Variants in ELP1 observed in about 807,000 individuals in gnomAD.
The protein encoded by ELP1 is elongator complex protein 1.
ELP1 carries 131 observed loss-of-function variants against 183.2 expected under a neutral mutation model. The ratio of observed to expected loss-of-function variants is 0.72; its 90% CI spans 0.62 to 0.83. The LOEUF is 0.83. Ranked by LOEUF, ELP1 falls within the 40% of genes least tolerant of loss-of-function variation. ELP1 has a pLI of 0.00. For missense variants in ELP1, 1,550 were observed against 1,594.9 expected (o/e 0.97, Z 0.48); for synonymous variants, 555 against 569.0 (o/e 0.98, Z 0.35).
At chr9:108,898,398 G>T in intron 22 of ELP1, 104 bp downstream of exon 22, 1 of 766,766 alleles carries the variant, frequency 1.3e-6, no homozygotes, top group Non-Finnish European at 2.1e-6. Flanking sequence ...TTTTAAAAAT[G>T]AACAGTAAGG....
intron 36 of ELP1, among the ~76,000 whole-genome samples, chr9:108,872,349 T>C (rs1461106119): frequency 6.6e-6 from 1 of 152,218 alleles, no homozygotes; most frequent in Non-Finnish European, 1.5e-5. Flanking sequence ...GCAGTTATGA[T>C]TTAATACTAC....
At chr9:108,915,525 T>C (rs1190175305) in intron 10 of ELP1, among the ~76,000 whole-genome samples, 3 of 152,134 alleles carry the variant, frequency 2.0e-5, no homozygotes, top group Admixed American at 1.3e-4. Flanking sequence ...GATTTCATAC[T>C]CAAGACAGCA....
intron 5 of ELP1, among the ~76,000 whole-genome samples, chr9:108,923,811 C>G (rs548092629): frequency 7.9e-5 from 12 of 152,344 alleles, no homozygotes; most frequent in Non-Finnish European, 1.8e-4. Context: ...TGAAACAACA[C>G]AACCCTTCTG....
rs780649768 is a variant in ELP1 at position 108,874,909 on chromosome 9, G to A, written c.3917C>T (p.Ser1306Leu). Residue 1306 changes from serine (S) to leucine (L), a missense_variant, in exon 36 of 37, where the codon TCG becomes TTG. Transcript: ENST00000374647. ...IMASYQQQKTSVPVLDAELFI... is the reference protein window; with the variant it reads ...IMASYQQQKTLVPVLDAELFI... ...AAAATACTAACCAAGAACAGGAACC[G>A]AAGTCTTCTGTTGCTGATAAGATGC... The A allele has an allele frequency of 7.0e-5, 113 of 1,609,860 alleles. No homozygotes were observed. Among genetic ancestry groups the A allele is most frequent in the Non-Finnish European group, 8.8e-5 (104 of 1,176,436 alleles).
rs1564081206 is a variant in ELP1 at position 108,893,064 on chromosome 9, TTC to T, written c.2878_2879del (p.Glu960MetfsTer8). 6.2e-7 allele frequency: 1 copy of T among 1,613,416 alleles called. No individual in the cohort carries two copies. Among genetic ancestry groups the T allele is most frequent in the Admixed American group, 1.7e-5 (1 of 60,026 alleles). On this transcript the variant is annotated frameshift_variant, in exon 27 of 37. Coordinates refer to ENST00000374647, the MANE Select transcript of ELP1 (RefSeq NM_003640.5). LOFTEE classifies it high-confidence loss of function. ...LSKCGPEYFP[E>X]CLNLIKDKNL... ...TTTTATCTTTTATCAAGTTTAAGCATTCTGGGAAGTACTCAGGTCCTGCAGGA... is the reference window on the plus strand; with the variant it reads ...TTTTATCTTTTATCAAGTTTAAGCATTGGGAAGTACTCAGGTCCTGCAGGA...
chr9:108,889,688 AC>A, intron 28 of ELP1: 1 of 440,860 alleles, frequency 2.3e-6, no homozygotes, highest in East Asian at 4.7e-5. Context: ...ACAGTAAGAG[AC>A]CACTATTTCT....
intron 29 of ELP1, among the ~76,000 whole-genome samples, chr9:108,882,787 C>T (rs1827982965): frequency 6.6e-6 from 1 of 151,960 alleles, no homozygotes; most frequent in Non-Finnish European, 1.5e-5. Flanking sequence ...TAGACAGGGT[C>T]TCACTATGTT....
chr9:108,925,027 C>T (rs372201371), intron 5 of ELP1, among the ~76,000 whole-genome samples: 1 of 152,164 alleles, frequency 6.6e-6, no homozygotes, highest in African/African-American at 2.4e-5. Flanking sequence ...GTACTCCCAT[C>T]CTCATTGTGA....
chr9:108,896,878 T>A, intron 24 of ELP1, 75 bp downstream of exon 24: 1 of 1,311,750 alleles, frequency 7.6e-7, no homozygotes, highest in Non-Finnish European at 1.1e-6. Flanking sequence ...GGCAATGACA[T>A]GGTGATTGTC....
At chr9:108,928,649 C>T (rs1357322112) in intron 3 of ELP1, among the ~76,000 whole-genome samples, 1 of 152,048 alleles carries the variant, frequency 6.6e-6, no homozygotes, top group Non-Finnish European at 1.5e-5. Context: ...GTGGGCTCTA[C>T]CTTTCAGACA....
At position 108,906,513 on chromosome 9, in the gene ELP1, G is replaced by T. The variant is rs1829026555; in HGVS notation, c.1461-28C>A. On this transcript the variant is annotated intron_variant, in intron 13 of 36. Transcript: ENST00000374647. Reference sequence around the variant, plus strand: ...ATTGTAAATATTGAAGAATATCCAAGACATGAATAAAACTTAAAAACCACT... The same window carrying T: ...ATTGTAAATATTGAAGAATATCCAATACATGAATAAAACTTAAAAACCACT... The T allele has an allele frequency of 2.5e-6, 4 of 1,596,094 alleles. No individual in the cohort carries two copies. The South Asian group carries it at 3.3e-5, about 13-fold the overall frequency.
intron 10 of ELP1, among the ~76,000 whole-genome samples, chr9:108,913,807 G>A (rs1303840907): frequency 2.0e-5 from 3 of 152,032 alleles, no homozygotes; most frequent in East Asian, 1.9e-4. Flanking sequence ...CCACCACGCC[G>A]GACTAATTTT....
At chr9:108,899,088 G>A (rs1383814073) in intron 20 of ELP1, among the ~76,000 whole-genome samples, 1 of 151,948 alleles carries the variant, frequency 6.6e-6, no homozygotes, top group Non-Finnish European at 1.5e-5. Flanking sequence ...CTTGAGGTCA[G>A]GAGTTTGAGA....
At position 108,931,004 on chromosome 9, in the gene ELP1, G is replaced by A; in HGVS notation, c.143C>T (p.Ser48Leu). 6.2e-7 allele frequency: 1 copy of A among 1,614,104 alleles called. No individual in the cohort carries two copies. Among genetic ancestry groups the A allele is most frequent in the Non-Finnish European group, 8.5e-7 (1 of 1,179,998 alleles). The change falls in exon 2 of 37, where the codon TCA (serine) becomes TTA (leucine). Residue 48 changes from serine to leucine, a missense_variant. Transcript: ENST00000374647. ...EHGLIEVDPVSREVKNEVSLV... is the reference protein window; with the variant it reads ...EHGLIEVDPVLREVKNEVSLV... Reference sequence around the variant, plus strand: ...TCTACATCAGTAACTTACTTCTCTTGAGACAGGGTCTACTTCTATCAGGCC... The same window carrying A: ...TCTACATCAGTAACTTACTTCTCTTAAGACAGGGTCTACTTCTATCAGGCC...
chr9:108,880,281 GT>G, intron 31 of ELP1, 116 bp from the exon 32 acceptor site: 1 of 723,736 alleles, frequency 1.4e-6, no homozygotes, highest in South Asian at 1.5e-5. Context: ...AGGTTACTAG[GT>G]TTTCCAAGCG....
In ELP1 at chr9:108,908,308, T is replaced by C. The variant is rs764155403; in HGVS notation, c.1457A>G (p.Tyr486Cys). ...CCCAAGATAATTAAGAACCTACTTGTATCTCTTTTCCAAATGAGGAGTTCT... is the reference window on the plus strand; with the variant it reads ...CCCAAGATAATTAAGAACCTACTTGCATCTCTTTTCCAAATGAGGAGTTCT... ...CLRTPHLEKRYKIQFENNEDQ... is the reference protein window; with the variant it reads ...CLRTPHLEKRCKIQFENNEDQ... The change falls in exon 13 of 37, where the codon TAC (tyrosine) becomes TGC (cysteine). Residue 486 changes from tyrosine (Y) to cysteine (C), a missense_variant. Tyr to Cys is a radical substitution (Grantham distance 194). Transcript: ENST00000374647. The C allele has an allele frequency of 6.2e-6, 10 of 1,610,416 alleles. No individual in the cohort carries two copies. Among genetic ancestry groups the C allele is most frequent in the Non-Finnish European group, 8.5e-6 (10 of 1,176,676 alleles).
chr9:108,920,377 G>A (rs1300079869), intron 6 of ELP1, among the ~76,000 whole-genome samples: 1 of 151,768 alleles, frequency 6.6e-6, no homozygotes, highest in Non-Finnish European at 1.5e-5. Flanking sequence ...TGCCTCCCAG[G>A]TACAAGTGAT....
chr9:108,902,916 A>G lies in ELP1; in HGVS notation c.1777T>C (p.Trp593Arg). 2 of 1,613,990 alleles carry G rather than the reference A, an allele frequency of 1.2e-6. No individual in the cohort carries two copies. The highest frequency in any genetic ancestry group is 1.7e-6 in the Non-Finnish European group (2 of 1,179,864). ...ACAGGAAATCCACCAGAGTTCTTCCATGGTTTAATAGCCAGAGAAGGTGAC... is the reference window on the plus strand; with the variant it reads ...ACAGGAAATCCACCAGAGTTCTTCCGTGGTTTAATAGCCAGAGAAGGTGAC... The part of the protein sequence containing the change: ...WESPSLAIKP[W>R]KNSGGFPVRF... The change falls in exon 16 of 37, where the codon TGG (tryptophan) becomes CGG (arginine). Residue 593 changes from tryptophan to arginine, a missense_variant. Trp to Arg is a moderately radical substitution (Grantham distance 101). Transcript: ENST00000374647.
chr9:108,927,605 T>C, intron 3 of ELP1, 152 bp from the exon 4 acceptor site: 1 of 704,296 alleles, frequency 1.4e-6, no homozygotes, highest in South Asian at 1.5e-5. Context: ...TGCAGCTCTG[T>C]TCACAATAGC....
Sources: gnomAD v4.1 joint callset for allele counts (sites outside exome capture counted in the v4.1 genomes callset) on GRCh38, gnomAD v4.1.1 for gene constraint, MANE v1.5 for transcripts, NCBI Gene and HGNC (gene_info 2026-07-23, HGNC 2026-07-21) for gene names.